ABCD2: variants seen among roughly 807,000 people sequenced by gnomAD.
The protein encoded by ABCD2 is ATP-binding cassette sub-family D member 2.
Under a neutral mutation model 70.9 loss-of-function variants are expected in ABCD2, and 36 were observed. That is an observed-to-expected ratio of 0.51 (90% confidence interval 0.39 to 0.67). The LOEUF is 0.67. Ranked by LOEUF, ABCD2 falls within the 30% of genes least tolerant of loss-of-function variation. ABCD2 has a pLI of 0.00. For synonymous variants in ABCD2, 304 were observed against 306.9 expected (o/e 0.99, Z 0.10); for missense variants, 729 against 890.2 (o/e 0.82, Z 2.30).
chr12:39,545,295 G>A (rs560140166), downstream of ABCD2, among the ~76,000 whole-genome samples: 15 of 152,236 alleles, frequency 9.9e-5, no homozygotes, highest in South Asian at 2.9e-3. Flanking sequence ...GGAATCTCAG[G>A]TAAGATTTTT....
chr12:39,615,286 A>G (rs1170067220), intron 2 of ABCD2, among the ~76,000 whole-genome samples: 10 of 152,022 alleles, frequency 6.6e-5, no homozygotes, highest in African/African-American at 2.4e-4. Flanking sequence ...TCTAATATAC[A>G]TTATATATTA....
Position 39,586,183 on chromosome 12 carries a change from G to T in ABCD2, c.1761C>A (p.Val587=). Residue 587 remains valine (V), a synonymous_variant, in exon 7 of 10, where the codon GTC becomes GTA. Coordinates refer to ENST00000308666, the MANE Select transcript of ABCD2 (RefSeq NM_005164.4). ...CTCTTTGAACTATGTGATAGAGATG[G>T]ACATTGTGTAGGATACGTTCCAGAT... is the stretch of plus-strand genomic sequence containing the variant. ...DQDLERILHN[V]HLYHIVQREG... is the part of the protein sequence containing the mutation. 1.2e-6 allele frequency: 2 copies of T among 1,612,884 alleles called. No individual in the cohort carries two copies. The highest frequency in any genetic ancestry group is 2.7e-5 in the African/African-American group (2 of 74,978).
At chr12:39,609,908 AT>A (rs993115532) in intron 2 of ABCD2, among the ~76,000 whole-genome samples, 2 of 152,044 alleles carry the variant, frequency 1.3e-5, no homozygotes, top group African/African-American at 2.4e-5. Flanking sequence ...TGATTTTCAG[AT>A]TTTTTTTCCT....
At chr12:39,613,887 C>T (rs1443082295) in intron 2 of ABCD2, among the ~76,000 whole-genome samples, 3 of 152,156 alleles carry the variant, frequency 2.0e-5, no homozygotes, top group African/African-American at 7.2e-5. Flanking sequence ...GTGGATAGTA[C>T]AGCAAATCTG....
downstream of ABCD2, among the ~76,000 whole-genome samples, chr12:39,548,954 A>C (rs1430253162): frequency 6.6e-6 from 1 of 152,018 alleles, no homozygotes. Flanking sequence ...ATCCTTGTTT[A>C]TAACACAACT....
intron 6 of ABCD2, 72 bp downstream of exon 6, chr12:39,600,499 G>A (rs1458992951): frequency 3.8e-6 from 5 of 1,330,184 alleles, no homozygotes; most frequent in Non-Finnish European, 4.1e-6. Flanking sequence ...TATAAACTGA[G>A]GAACTTGAGG....
intron 6 of ABCD2, among the ~76,000 whole-genome samples, chr12:39,600,219 A>T (rs2120706378): frequency 6.6e-6 from 1 of 152,320 alleles, no homozygotes; most frequent in Non-Finnish European, 1.5e-5. Context: ...AGAGAGCTGT[A>T]TACTTATCCG....
Position 39,572,041 on chromosome 12 carries a change from T to G in ABCD2, c.2003+1675A>C, listed in dbSNP as rs113699312. Among the ~76,000 whole-genome samples, 310 of 152,252 alleles carry G rather than the reference T, an allele frequency of 2.0e-3. 3 individuals carry two copies. Among genetic ancestry groups the G allele is most frequent in the African/African-American group, 6.7e-3 (279 of 41,544 alleles). On this transcript the variant is annotated intron_variant, in intron 9 of 9. Coordinates refer to ENST00000308666, the MANE Select transcript of ABCD2 (RefSeq NM_005164.4). ...CATGTTGTTTTGTTTTGTGGAGAAA[T>G]GTACTTGGGTAGCTGCAATTAAAAA...
intron 2 of ABCD2, among the ~76,000 whole-genome samples, chr12:39,611,392 TA>T (rs1268434246): frequency 1.3e-5 from 2 of 152,050 alleles, no homozygotes; most frequent in Non-Finnish European, 1.5e-5. Context: ...CCTAAAGAAA[TA>T]AGGTGTATTA....
intron 8 of ABCD2, among the ~76,000 whole-genome samples, chr12:39,578,213 G>T (rs1180222135): frequency 6.6e-6 from 1 of 152,156 alleles, no homozygotes; most frequent in Admixed American, 6.5e-5. Context: ...GGTGGCTTAC[G>T]CCTGTAATCC....
intron 6 of ABCD2, among the ~76,000 whole-genome samples, chr12:39,592,131 C>G (rs1051296759): frequency 2.0e-5 from 3 of 152,222 alleles, no homozygotes; most frequent in Non-Finnish European, 4.4e-5. Flanking sequence ...TTTCTGTCAA[C>G]TGACTGCCCA....
intron 7 of ABCD2, among the ~76,000 whole-genome samples, chr12:39,580,123 A>T (rs1941576422): frequency 6.6e-6 from 1 of 152,116 alleles, no homozygotes; most frequent in South Asian, 2.1e-4. Context: ...TAGTTCATGG[A>T]GTAATCGACA....
the ABCD2 span, among the ~76,000 whole-genome samples, chr12:39,544,773 A>G: frequency 6.6e-6 from 1 of 152,164 alleles, no homozygotes; most frequent in African/African-American, 2.4e-5. Flanking sequence ...CAGGGTGAGA[A>G]GAGTGGAACT....
chr12:39,538,604 C>T, the ABCD2 span, among the ~76,000 whole-genome samples: 24 of 151,858 alleles, frequency 1.6e-4, no homozygotes, highest in Non-Finnish European at 3.4e-4. Context: ...CTTGATTTTG[C>T]CAACGTCTTC....
the ABCD2 span, among the ~76,000 whole-genome samples, chr12:39,537,331 T>C: frequency 1.3e-5 from 2 of 152,164 alleles, no homozygotes; most frequent in African/African-American, 4.8e-5. Context: ...GTCTATAACC[T>C]GAGTAAAAGA....
intron 6 of ABCD2, among the ~76,000 whole-genome samples, chr12:39,592,612 G>C (rs1042051493): frequency 6.6e-6 from 1 of 152,164 alleles, no homozygotes; most frequent in African/African-American, 2.4e-5. Flanking sequence ...TTGCTTTGAG[G>C]GCAGCAGGAC....
chr12:39,544,377 G>C, the ABCD2 span, among the ~76,000 whole-genome samples: 1 of 152,088 alleles, frequency 6.6e-6, no homozygotes, highest in African/African-American at 2.4e-5. Context: ...TACATGACTC[G>C]TAAACCATAA....
intron 3 of ABCD2, among the ~76,000 whole-genome samples, chr12:39,606,020 G>A (rs1941964962): frequency 6.6e-6 from 1 of 152,122 alleles, no homozygotes; most frequent in Admixed American, 6.6e-5. Flanking sequence ...TTATCTGGAA[G>A]AACCTCTTGA....
At chr12:39,554,382 A>G (rs2120518330) in intron 9 of ABCD2, among the ~76,000 whole-genome samples, 2 of 152,286 alleles carry the variant, frequency 1.3e-5, no homozygotes, top group Non-Finnish European at 2.9e-5. Context: ...AAAGGAAGAC[A>G]TGCTGTTGCA....
Sources: allele counts gnomAD v4.1 joint callset (sites outside exome capture counted in the v4.1 genomes callset), GRCh38; gene constraint gnomAD v4.1.1; transcripts MANE v1.5; gene names NCBI Gene and HGNC (gene_info 2026-07-23, HGNC 2026-07-21).